PTBP2: variants seen among roughly 807,000 people sequenced by gnomAD.
PTBP2 encodes the protein polypyrimidine tract binding protein 2, also known as polypyrimidine tract-binding protein 2.
Under a neutral mutation model 61.4 loss-of-function variants are expected in PTBP2, and 13 were observed. The observed-to-expected ratio is 0.21, with a 90% CI of 0.14 to 0.34. The LOEUF (loss-of-function observed/expected upper bound fraction) is 0.34, where lower values mean the gene tolerates loss of function less well. Among genes scored for constraint, PTBP2 ranks in the 10% least tolerant of loss-of-function variants. PTBP2 has a pLI of 1.00. For synonymous variants in PTBP2, 215 were observed against 218.5 expected, an observed-to-expected ratio of 0.98 and a Z score of 0.14; for missense variants, 405 against 642.6, an observed-to-expected ratio of 0.63 and a Z score of 4.00.
chr1:96,769,383 G>A (rs1414457820), intron 3 of PTBP2, among the ~76,000 whole-genome samples: 1 of 151,968 alleles, frequency 6.6e-6, no homozygotes, highest in African/African-American at 2.4e-5. Context: ...ACATGACTGT[G>A]ATTGTATTCT....
chr1:96,752,792 C>T (rs567510890), intron 3 of PTBP2, among the ~76,000 whole-genome samples: 2,819 of 152,072 alleles, frequency 0.019, 87 homozygotes, highest in African/African-American at 0.064. Flanking sequence ...CCCCCCAAAA[C>T]CAAAAAGTAT....
chr1:96,741,484 A>G (rs34575842), intron 2 of PTBP2, among the ~76,000 whole-genome samples: 51,101 of 151,664 alleles, frequency 0.34, 8,809 homozygotes, highest in South Asian at 0.44. Context: ...TTTGTTGCGA[A>G]CTCCCAGGCT....
chr1:96,777,008 C>T lies in PTBP2; in HGVS notation c.433-577C>T, dbSNP rs562513915. ...ATGGGAAATATTCTTCATATTATATCTTGAAGTTTACCTGAGAATTTTGTG... is the reference window on the plus strand; with the variant it reads ...ATGGGAAATATTCTTCATATTATATTTTGAAGTTTACCTGAGAATTTTGTG... On this transcript the variant is annotated intron_variant, in intron 5 of 13. Transcript: ENST00000674951. 9.9e-5 allele frequency among the ~76,000 whole-genome samples: 15 copies of T among 152,034 alleles called. No homozygotes were observed. In the South Asian group the frequency reaches 2.3e-3, roughly 23 times the overall value.
At chr1:96,724,886 TGTG>T (rs1317892590) in intron 2 of PTBP2, among the ~76,000 whole-genome samples, 1 of 152,140 alleles carries the variant, frequency 6.6e-6, no homozygotes, top group African/African-American at 2.4e-5. Flanking sequence ...TCCATAATGA[TGTG>T]GTGTTCTTTC....
chr1:96,751,864 A>G (rs910553652), intron 3 of PTBP2, among the ~76,000 whole-genome samples: 2 of 152,034 alleles, frequency 1.3e-5, no homozygotes, highest in Non-Finnish European at 2.9e-5. Flanking sequence ...CACAAACCCT[A>G]AAACCCAAAT....
At chr1:96,793,922 T>C (rs1660108627) in intron 8 of PTBP2, among the ~76,000 whole-genome samples, 1 of 152,192 alleles carries the variant, frequency 6.6e-6, no homozygotes, top group African/African-American at 2.4e-5. Context: ...CATGTTTACA[T>C]ACTGACCAGC....
intron 3 of PTBP2, among the ~76,000 whole-genome samples, chr1:96,760,903 G>A (rs1393664829): frequency 1.3e-5 from 2 of 152,138 alleles, no homozygotes; most frequent in Non-Finnish European, 2.9e-5. Context: ...TAACCCAAAT[G>A]TTTATCAACA....
downstream of PTBP2, chr1:96,816,350 G>C (rs556844555): frequency 6.6e-6 from 1 of 152,200 alleles, no homozygotes; most frequent in Admixed American, 6.5e-5. Context: ...CAGCTTTGTC[G>C]TATATTAGTA....
chr1:96,801,898 G>C (rs995921328), intron 8 of PTBP2, among the ~76,000 whole-genome samples: 4 of 150,238 alleles, frequency 2.7e-5, no homozygotes, highest in African/African-American at 9.8e-5. Context: ...TTTTAATTTT[G>C]GAAATGACAA....
At chr1:96,753,396 C>T (rs749580763) in intron 3 of PTBP2, among the ~76,000 whole-genome samples, 22 of 151,868 alleles carry the variant, frequency 1.4e-4, no homozygotes, top group Non-Finnish European at 8.8e-5. Flanking sequence ...AAACCTAGCC[C>T]GATAGGAAGT....
chr1:96,803,215 T>A (rs1661196560), intron 8 of PTBP2, among the ~76,000 whole-genome samples: 1 of 152,168 alleles, frequency 6.6e-6, no homozygotes, highest in African/African-American at 2.4e-5. Context: ...TGAGAATTCT[T>A]AATTTTAAAA....
At chr1:96,727,289 T>G (rs140728429) in intron 2 of PTBP2, among the ~76,000 whole-genome samples, 1 of 152,334 alleles carries the variant, frequency 6.6e-6, no homozygotes, top group African/African-American at 2.4e-5. Flanking sequence ...AATTTGTTAA[T>G]CCATTCAAGT....
At chr1:96,756,272 G>A (rs1655149675) in intron 3 of PTBP2, among the ~76,000 whole-genome samples, 3 of 152,194 alleles carry the variant, frequency 2.0e-5, no homozygotes, top group Non-Finnish European at 1.5e-5. Flanking sequence ...GGTGGTGCAT[G>A]CCTGTAATCC....
intron 7 of PTBP2, 97 bp from the exon 8 acceptor site, chr1:96,784,962 T>C: frequency 9.9e-7 from 1 of 1,011,358 alleles, no homozygotes; most frequent in Non-Finnish European, 1.4e-6. Flanking sequence ...GCTTTTAAGT[T>C]CGAGTTTTTG....
intron 2 of PTBP2, among the ~76,000 whole-genome samples, chr1:96,739,514 A>C (rs1001834205): frequency 5.9e-5 from 9 of 151,442 alleles, no homozygotes; most frequent in Non-Finnish European, 1.3e-4. Flanking sequence ...TATGAATTTG[A>C]CTACTTTAAA....
chr1:96,741,178 AC>A (rs1557696508), intron 2 of PTBP2, among the ~76,000 whole-genome samples: 2 of 151,830 alleles, frequency 1.3e-5, no homozygotes, highest in African/African-American at 4.8e-5. Context: ...AAAAAAAAAA[AC>A]ATTGATTCCT....
At chr1:96,757,654 A>G (rs1373770995) in intron 3 of PTBP2, among the ~76,000 whole-genome samples, 1 of 152,194 alleles carries the variant, frequency 6.6e-6, no homozygotes, top group Non-Finnish European at 1.5e-5. Flanking sequence ...GTGTACATAG[A>G]ACATTCACAA....
intron 5 of PTBP2, 149 bp from the exon 6 acceptor site, chr1:96,777,436 G>T: frequency 1.9e-6 from 1 of 513,232 alleles, no homozygotes; most frequent in Non-Finnish European, 3.3e-6. Context: ...CTGGCTCATG[G>T]CAGGTGCTTA....
intron 11 of PTBP2, among the ~76,000 whole-genome samples, chr1:96,811,789 A>G (rs1217651474): frequency 6.6e-6 from 1 of 152,220 alleles, no homozygotes; most frequent in Non-Finnish European, 1.5e-5. Context: ...TGCATGACAT[A>G]TTAGAAATGG....
Sources: allele counts gnomAD v4.1 joint callset (sites outside exome capture counted in the v4.1 genomes callset), GRCh38; gene constraint gnomAD v4.1.1; transcripts MANE v1.5; gene names NCBI Gene and HGNC (gene_info 2026-07-23, HGNC 2026-07-21).